Variants in CNTN4 observed in about 807,000 individuals in gnomAD.
CNTN4 encodes contactin-4.
In CNTN4, 77 loss-of-function variants were observed where a neutral mutation model predicts 122.5. The observed-to-expected ratio is 0.63, with a 90% CI of 0.52 to 0.76. The LOEUF is 0.76. Among genes scored for constraint, CNTN4 ranks in the 30% least tolerant of loss-of-function variants. CNTN4 has a pLI of 0.00. For missense variants in CNTN4, 1,256 were observed against 1,259.1 expected (o/e 1.00, Z 0.04); for synonymous variants, 512 against 447.0 (o/e 1.15, Z -1.83).
rs548572027 is a variant in CNTN4, at chr3:2,591,427, G to C, written c.55+19869G>C. Among the ~76,000 whole-genome samples, 28 of 44,284 alleles carry C rather than the reference G, an allele frequency of 6.3e-4. 5 individuals carry two copies. The highest frequency in any genetic ancestry group is 0.013 in the Middle Eastern group (1 of 78). The allele number at this position is 44,284 out of a possible 152,430, so 29.1% of individuals were successfully genotyped here. On this transcript the variant is annotated intron_variant, in intron 4 of 24. Transcript: ENST00000418658. ...TCGCCCAGGCTGGAGTGCAGTGGCG[G>C]GATCTCGGCTCACTGCAAGCTCCGC... is the stretch of plus-strand genomic sequence containing the variant.
intron 6 of CNTN4, among the ~76,000 whole-genome samples, chr3:2,777,420 A>G (rs975486833): frequency 5.9e-5 from 9 of 152,158 alleles, no homozygotes; most frequent in African/African-American, 1.4e-4. Context: ...ATCAGGGAAT[A>G]TATTTGCTCT....
At chr3:2,223,438 A>T (rs1166900053) in intron 2 of CNTN4, among the ~76,000 whole-genome samples, 1 of 152,060 alleles carries the variant, frequency 6.6e-6, no homozygotes, top group African/African-American at 2.4e-5. Context: ...TTTTTAGGAG[A>T]TGTCAAGCTG....
At chr3:2,563,798 G>A (rs1028089252) in intron 3 of CNTN4, among the ~76,000 whole-genome samples, 6 of 152,006 alleles carry the variant, frequency 3.9e-5, no homozygotes, top group African/African-American at 1.4e-4. Flanking sequence ...GGACTGTAAG[G>A]TGTGTTTAAA....
At chr3:2,933,862 C>G (rs2094546259) in intron 13 of CNTN4, among the ~76,000 whole-genome samples, 2 of 152,090 alleles carry the variant, frequency 1.3e-5, no homozygotes, top group Admixed American at 6.6e-5. Context: ...TATGTTCATC[C>G]AGAGAGAGTT....
intron 2 of CNTN4, among the ~76,000 whole-genome samples, chr3:2,169,443 G>GTCAC (rs1474648507): frequency 1.3e-5 from 2 of 151,786 alleles, no homozygotes; most frequent in Admixed American, 1.3e-4. Context: ...GTCTGGCTCT[G>GTCAC]TCACTCAGGC....
Position 2,612,585 on chromosome 3 carries a change from A to G in CNTN4, c.55+41027A>G, listed in dbSNP as rs937488440. Among the ~76,000 whole-genome samples, 4 of 152,130 alleles carry G rather than the reference A, an allele frequency of 2.6e-5. No homozygotes were observed. The South Asian group carries it at 8.3e-4, about 32-fold the overall frequency. On this transcript the variant is annotated intron_variant, in intron 4 of 24. Coordinates refer to ENST00000418658, the MANE Select transcript of CNTN4 (RefSeq NM_175607.3). ...CAAGGTAAAGGCCATTATTATCCCT[A>G]TGAGAATTCAGTGAGGAAGATACTG...
intron 2 of CNTN4, among the ~76,000 whole-genome samples, chr3:2,223,814 T>G (rs1269182548): frequency 6.6e-6 from 1 of 152,056 alleles, no homozygotes; most frequent in African/African-American, 2.4e-5. Flanking sequence ...ACAAGGCTGG[T>G]TAACAGAGAA....
chr3:2,313,564 C>T (rs1289799930), intron 2 of CNTN4, among the ~76,000 whole-genome samples: 1 of 151,928 alleles, frequency 6.6e-6, no homozygotes, highest in Non-Finnish European at 1.5e-5. Context: ...ACACCTGAAA[C>T]AGAATCTGAC....
chr3:2,829,537 A>G (rs1375399041), intron 7 of CNTN4, among the ~76,000 whole-genome samples: 1 of 152,232 alleles, frequency 6.6e-6, no homozygotes, highest in Non-Finnish European at 1.5e-5. Flanking sequence ...CCTCTACCAG[A>G]TATGACAAGA....
intron 4 of CNTN4, among the ~76,000 whole-genome samples, chr3:2,599,151 C>G (rs752087127): frequency 8.5e-5 from 13 of 152,146 alleles, no homozygotes; most frequent in Non-Finnish European, 1.9e-4. Context: ...CGTGTATCCA[C>G]ATGTAGGGAC....
At chr3:2,763,794 G>C (rs1490845642) in intron 6 of CNTN4, among the ~76,000 whole-genome samples, 1 of 152,042 alleles carries the variant, frequency 6.6e-6, no homozygotes, top group African/African-American at 2.4e-5. Context: ...ATCGTTGCAG[G>C]TGTGCAGTCT....
Position 2,571,442 on chromosome 3 carries a change from A to G in CNTN4, c.-62A>G. On this transcript the variant is annotated 5_prime_UTR_variant, in exon 4 of 25. Coordinates refer to ENST00000418658, the MANE Select transcript of CNTN4 (RefSeq NM_175607.3). ...TTAAAGGTTATACAAAACTTAAAAG[A>G]AGCAGCAATTCTATTCGCTTGTTAT... The G allele has an allele frequency of 8.6e-7, 1 of 1,156,466 alleles. No individual in the cohort carries two copies. Among genetic ancestry groups the G allele is most frequent in the East Asian group, 2.3e-5 (1 of 42,678 alleles). The allele number at this position is 1,156,466 out of a possible 1,614,324, so 71.6% of individuals were successfully genotyped here. A position where few individuals can be genotyped will look rare whatever the true frequency, so the allele number is the denominator to read the frequency against.
At chr3:2,307,852 T>C (rs1281045918) in intron 2 of CNTN4, among the ~76,000 whole-genome samples, 1 of 152,176 alleles carries the variant, frequency 6.6e-6, no homozygotes, top group Admixed American at 6.5e-5. Context: ...TGAAAATTTT[T>C]GTGTCTATCT....
chr3:3,001,373 G>T (rs1696024875), intron 14 of CNTN4, among the ~76,000 whole-genome samples: 1 of 152,194 alleles, frequency 6.6e-6, no homozygotes. Context: ...TTTCCCAGAT[G>T]CATCACTGGA....
chr3:2,771,755 A>G (rs932362242), intron 6 of CNTN4, among the ~76,000 whole-genome samples: 1 of 152,222 alleles, frequency 6.6e-6, no homozygotes, highest in African/African-American at 2.4e-5. Flanking sequence ...ATACAGTATT[A>G]ATTCCAGGAT....
At chr3:2,301,760 G>T (rs1401101165) in intron 2 of CNTN4, among the ~76,000 whole-genome samples, 2 of 152,222 alleles carry the variant, frequency 1.3e-5, no homozygotes, top group Non-Finnish European at 2.9e-5. Context: ...TCAGACTTCA[G>T]ACCGAATCCA....
intron 6 of CNTN4, among the ~76,000 whole-genome samples, chr3:2,762,016 G>A (rs751678154): frequency 2.0e-5 from 3 of 152,096 alleles, no homozygotes; most frequent in East Asian, 1.9e-4. Flanking sequence ...CAAGCAATGC[G>A]TTGGACACAG....
intron 12 of CNTN4, among the ~76,000 whole-genome samples, chr3:2,924,484 C>G (rs2151361569): frequency 6.6e-6 from 1 of 152,298 alleles, no homozygotes; most frequent in South Asian, 2.1e-4. Flanking sequence ...AGAAATGAAT[C>G]CTTCCATTCC....
At chr3:2,175,884 T>C (rs186226295) in intron 2 of CNTN4, among the ~76,000 whole-genome samples, 1 of 152,168 alleles carries the variant, frequency 6.6e-6, no homozygotes, top group Non-Finnish European at 1.5e-5. Flanking sequence ...CAGCAAAAAA[T>C]TCAATGTAAA....
Sources: allele counts gnomAD v4.1 joint callset (sites outside exome capture counted in the v4.1 genomes callset), GRCh38; gene constraint gnomAD v4.1.1; transcripts MANE v1.5; gene names NCBI Gene and HGNC (gene_info 2026-07-23, HGNC 2026-07-21).